KIF1A: variants seen among roughly 807,000 people sequenced by gnomAD.
The protein encoded by KIF1A is kinesin family member 1A.
In KIF1A, 46 loss-of-function variants were observed where a neutral mutation model predicts 227.3. The observed-to-expected ratio is 0.20, with a 90% CI of 0.16 to 0.26. The LOEUF is 0.26. KIF1A is among the 10% of genes least tolerant of loss of function. KIF1A has a pLI of 1.00. For synonymous variants in KIF1A, 1,022 were observed against 1,012.8 expected (o/e 1.01, Z -0.17); for missense variants, 1,683 against 2,485.9 (o/e 0.68, Z 6.87).
chr2:240,720,832 G>A (rs2045268447), intron 45 of KIF1A, 82 bp downstream of exon 45: 3 of 1,454,728 alleles, frequency 2.1e-6, no homozygotes, highest in East Asian at 2.5e-5. Flanking sequence ...CCTGTTCTGT[G>A]CTCTCTGTGC....
rs2057822083 is a variant in KIF1A at position 240,811,017 on chromosome 2, T to C, written c.-61+9105A>G. ...GGGCATGTGGCCGTTGGTTGTAATA[T>C]TCTGTATTCCTTGTTGTATATTTTT... On this transcript the variant is annotated intron_variant, in intron 1 of 48. Transcript: ENST00000498729. 2.0e-5 allele frequency among the ~76,000 whole-genome samples: 3 copies of C among 152,198 alleles called. No individual in the cohort carries two copies. The South Asian group carries it at 6.2e-4, about 32-fold the overall frequency.
rs933271179 is a variant in KIF1A at position 240,782,970 on chromosome 2, G to A, written c.864+74C>T. On this transcript the variant is annotated intron_variant, in intron 9 of 48. Coordinates refer to ENST00000498729, the MANE Select transcript of KIF1A (RefSeq NM_001244008.2). The stretch of plus-strand genomic sequence containing the variant: ...TCCCAGACACAGGGCCCGGAAACGA[G>A]GGTGACAGGGGCAGGATGGGGCGCC... 23 of 1,225,484 alleles carry A rather than the reference G, an allele frequency of 1.9e-5. No homozygotes were observed. The Admixed American group carries it at 3.9e-4, about 21-fold the overall frequency. The allele number at this position is 1,225,484 out of a possible 1,614,324, so 75.9% of individuals were successfully genotyped here. A position where few individuals can be genotyped will look rare whatever the true frequency, so the allele number is the denominator to read the frequency against.
At chr2:240,817,690 A>T (rs1194821194) in intron 1 of KIF1A, among the ~76,000 whole-genome samples, 2 of 152,014 alleles carry the variant, frequency 1.3e-5, no homozygotes. Flanking sequence ...TCCCGTCCCC[A>T]CCACACCCAG....
intron 1 of KIF1A, among the ~76,000 whole-genome samples, chr2:240,805,809 A>C (rs12620736): frequency 0.38 from 56,951 of 151,804 alleles, 11,312 homozygotes; most frequent in African/African-American, 0.52. Flanking sequence ...ACTAAAAATT[A>C]ATTTAAAAAT....
chr2:240,766,727 T>A lies in KIF1A; in HGVS notation c.1684+188A>T, dbSNP rs1250728847. On this transcript the variant is annotated intron_variant, in intron 19 of 48. Coordinates refer to ENST00000498729, the MANE Select transcript of KIF1A (RefSeq NM_001244008.2). This position sits in a 1 kb window ranked among gnomAD's most constrained non-coding sequence, Gnocchi z 5.0. ...ATATCTCTCTCTCTCTCCAAATCTC[T>A]CTCTCTCTCTCTCTCTCTCTCTCAC... Among the ~76,000 whole-genome samples the A allele has an allele frequency of 1.8e-5, 2 of 113,082 alleles. No homozygotes were observed. Among genetic ancestry groups the A allele is most frequent in the African/African-American group, 8.9e-5 (2 of 22,348 alleles). 74.2% of individuals were successfully genotyped at this position (113,082 alleles called of 152,430 possible).
chr2:240,753,762 C>T (rs1164638089), intron 27 of KIF1A, among the ~76,000 whole-genome samples: 1 of 152,128 alleles, frequency 6.6e-6, no homozygotes, highest in Non-Finnish European at 1.5e-5. Context: ...AAAAATCCAC[C>T]CAGGGTCTCA....
chr2:240,748,435 G>A (rs988153923), intron 28 of KIF1A, among the ~76,000 whole-genome samples: 3 of 152,128 alleles, frequency 2.0e-5, no homozygotes, highest in Non-Finnish European at 2.9e-5. Context: ...CCGGCCCCAC[G>A]GCCTCTGGTG....
At chr2:240,746,658 C>T (rs10196604) in intron 29 of KIF1A, among the ~76,000 whole-genome samples, 38,586 of 152,002 alleles carry the variant, frequency 0.25, 5,265 homozygotes, top group East Asian at 0.55. Flanking sequence ...GGGTGAGAAG[C>T]GAGTCTAAGA....
intron 43 of KIF1A, 57 bp downstream of exon 43, chr2:240,722,399 A>T: frequency 6.7e-7 from 1 of 1,492,800 alleles, no homozygotes; most frequent in Non-Finnish European, 9.0e-7. Flanking sequence ...CCCAGAAATG[A>T]CTCAGGGCCC....
Position 240,765,515 on chromosome 2 carries a change from G to A in KIF1A, c.1768+195C>T, listed in dbSNP as rs1575593277. ...TTGTGTGAATGGGGCCTGTAGTGCT[G>A]TGTTCCTGGAGTTGGGGGACTGGGG... On this transcript the variant is annotated intron_variant, in intron 20 of 48. Transcript: ENST00000498729. Among the ~76,000 whole-genome samples, 7 of 152,248 alleles carry A rather than the reference G, an allele frequency of 4.6e-5. No individual in the cohort carries two copies. The East Asian group carries it at 9.6e-4, about 21-fold the overall frequency.
intron 1 of KIF1A, among the ~76,000 whole-genome samples, chr2:240,807,526 T>C (rs2057535201): frequency 6.6e-6 from 1 of 152,236 alleles, no homozygotes; most frequent in Admixed American, 6.5e-5. Flanking sequence ...ATAGTTGCTA[T>C]ACTGTATTGT....
intron 20 of KIF1A, among the ~76,000 whole-genome samples, 181 bp from the exon 21 acceptor site, chr2:240,763,527 A>G (rs2050786260): frequency 1.3e-5 from 2 of 152,088 alleles, no homozygotes; most frequent in Non-Finnish European, 2.9e-5. Flanking sequence ...TCTCCCCATA[A>G]ATCCACCCTT....
intron 40 of KIF1A, chr2:240,724,240 T>C (rs2045729542): frequency 6.5e-6 from 4 of 615,918 alleles, no homozygotes; most frequent in East Asian, 2.9e-5. Context: ...ATGCATTGGC[T>C]GGTCTTGCTC....
intron 27 of KIF1A, among the ~76,000 whole-genome samples, chr2:240,753,173 G>C (rs141469977): frequency 6.6e-6 from 1 of 152,226 alleles, no homozygotes; most frequent in Non-Finnish European, 1.5e-5. Flanking sequence ...GCTAGAGAAG[G>C]GGCCACTCCC....
At chr2:240,803,518 T>C (rs918052755) in intron 1 of KIF1A, among the ~76,000 whole-genome samples, 1 of 152,254 alleles carries the variant, frequency 6.6e-6, no homozygotes, top group Non-Finnish European at 1.5e-5. Flanking sequence ...TTCATTCTTA[T>C]GGGAGCGTTT....
At chr2:240,820,581 C>T (rs1459995833), upstream of KIF1A, among the ~76,000 whole-genome samples, 3 of 151,102 alleles carry the variant, frequency 2.0e-5, no homozygotes, top group African/African-American at 7.3e-5. The surrounding 1 kb of genome is among the most constrained non-coding windows in gnomAD (Gnocchi z 6.2). Flanking sequence ...GACCCCTCGC[C>T]GGGCCGTCCC....
At chr2:240,772,317 G>A (rs1045944830) in intron 14 of KIF1A, among the ~76,000 whole-genome samples, 2 of 152,176 alleles carry the variant, frequency 1.3e-5, no homozygotes, top group Non-Finnish European at 2.9e-5. Context: ...TGACTCCCCC[G>A]TTGCTTTGGT....
chr2:240,745,904 G>C lies in KIF1A; in HGVS notation c.3208C>G (p.Pro1070Ala). Residue 1070 changes from proline (P) to alanine (A), a missense_variant, in exon 31 of 49, where the codon CCC (proline) becomes GCC (alanine). Transcript: ENST00000498729. Reference protein sequence around the residue: ...EVNNNTCSAVPPEGLLLDSSE... With the variant: ...EVNNNTCSAVAPEGLLLDSSE... ...CTGTCTAGGAGGAGGCCTTCTGGGG[G>C]CACTGCTGCTGGGAGTCAAGGAGAG... 6.2e-7 allele frequency: 1 copy of C among 1,602,034 alleles called. No homozygotes were observed. The highest frequency in any genetic ancestry group is 8.5e-7 in the Non-Finnish European group (1 of 1,172,674).
At chr2:240,718,978 C>T in intron 47 of KIF1A, 28 bp downstream of exon 47, 2 of 1,575,408 alleles carry the variant, frequency 1.3e-6, no homozygotes, top group Non-Finnish European at 1.7e-6. Context: ...GTTCCTGGTG[C>T]CCGAGCCTGA....
Sources: gnomAD v4.1 joint callset for allele counts (sites outside exome capture counted in the v4.1 genomes callset) on GRCh38, gnomAD v4.1.1 for gene constraint, Gnocchi (gnomAD v3.1) non-coding constraint, MANE v1.5 for transcripts, NCBI Gene and HGNC (gene_info 2026-07-23, HGNC 2026-07-21) for gene names.